Variants in PRKN observed in about 807,000 individuals in gnomAD.
The protein encoded by PRKN is E3 ubiquitin-protein ligase parkin.
Under a neutral mutation model 59.5 loss-of-function variants are expected in PRKN, and 56 were observed. The ratio of observed to expected loss-of-function variants is 0.94; its 90% CI spans 0.76 to 1.18. The LOEUF (loss-of-function observed/expected upper bound fraction) is 1.18, where lower values mean the gene tolerates loss of function less well. PRKN is among the 50% of genes most tolerant of loss of function. PRKN has a pLI of 0.00. For synonymous variants in PRKN, 250 were observed against 222.1 expected (o/e 1.13, Z -1.12); for missense variants, 657 against 596.4 (o/e 1.10, Z -1.06).
chr6:162,680,106 ATTTTC>A (rs1779712928), intron 1 of PRKN, among the ~76,000 whole-genome samples: 1 of 151,738 alleles, frequency 6.6e-6, no homozygotes, highest in Non-Finnish European at 1.5e-5. Flanking sequence ...CATATAACAC[ATTTTC>A]TTTTCTTCCT....
chr6:161,592,651 T>A lies in PRKN; in HGVS notation c.872-23235A>T, dbSNP rs990412181. On this transcript the variant is annotated intron_variant, in intron 7 of 11. Coordinates refer to ENST00000366898, the MANE Select transcript of PRKN (RefSeq NM_004562.3). The surrounding 1 kb of genome is among the most constrained non-coding windows in gnomAD (Gnocchi z 4.8). Reference sequence around the variant, plus strand: ...AAACCCTAAGGGCTATGGAGAAAGATGAAGCAGGGAAACTGTTGGAGGGAG... The same window carrying A: ...AAACCCTAAGGGCTATGGAGAAAGAAGAAGCAGGGAAACTGTTGGAGGGAG... Among the ~76,000 whole-genome samples, 1 of 152,022 alleles carries A rather than the reference T, an allele frequency of 6.6e-6. No individual in the cohort carries two copies. Among genetic ancestry groups the A allele is most frequent in the East Asian group, 1.9e-4 (1 of 5,160 alleles).
rs1486088965 is a variant in PRKN, at chr6:161,575,550, C to T, written c.872-6134G>A. 6.6e-6 allele frequency among the ~76,000 whole-genome samples: 1 copy of T among 152,108 alleles called. No individual in the cohort carries two copies. Among genetic ancestry groups the T allele is most frequent in the African/African-American group, 2.4e-5 (1 of 41,408 alleles). On this transcript the variant is annotated intron_variant, in intron 7 of 11. Transcript: ENST00000366898. The surrounding 1 kb of genome is among the most constrained non-coding windows in gnomAD (Gnocchi z 4.6). Reference sequence around the variant, plus strand: ...TATTCCATTGAGAAGCATTAAAAACCACATGAGTCTTCGATCACTATTTTT... The same window carrying T: ...TATTCCATTGAGAAGCATTAAAAACTACATGAGTCTTCGATCACTATTTTT...
chr6:162,068,609 G>A (rs984207446), intron 4 of PRKN, among the ~76,000 whole-genome samples: 5 of 152,314 alleles, frequency 3.3e-5, no homozygotes, highest in African/African-American at 4.8e-5. Flanking sequence ...GCCTCCTGCC[G>A]TTCCTTGCCA....
intron 7 of PRKN, among the ~76,000 whole-genome samples, chr6:161,618,350 G>T (rs1400011557): frequency 6.6e-6 from 1 of 152,144 alleles, no homozygotes; most frequent in Non-Finnish European, 1.5e-5. Context: ...ATGCACAAGG[G>T]AAGTACTTTG....
chr6:161,902,577 T>TTTTTTTTTTTTTTGG, intron 6 of PRKN, among the ~76,000 whole-genome samples: 1 of 147,552 alleles, frequency 6.8e-6, no homozygotes, highest in East Asian at 2.0e-4. Flanking sequence ...TTTTTTTTTT[T>TTTTTTTTTTTTTTGG]GCGACAGAGT....
At chr6:162,421,375 A>AATTT (rs1391110112) in intron 2 of PRKN, among the ~76,000 whole-genome samples, 3 of 152,164 alleles carry the variant, frequency 2.0e-5, no homozygotes, top group Non-Finnish European at 4.4e-5. Context: ...AACAATAACT[A>AATTT]ATTTACCTGC....
chr6:162,333,765 C>CA (rs35658891), intron 2 of PRKN, among the ~76,000 whole-genome samples: 25,101 of 152,052 alleles, frequency 0.17, 2,284 homozygotes, highest in African/African-American at 0.22. Flanking sequence ...CACTTTAAAT[C>CA]AAAGCTAGAA....
At chr6:162,545,524 T>C (rs1779084600) in intron 1 of PRKN, among the ~76,000 whole-genome samples, 1 of 152,142 alleles carries the variant, frequency 6.6e-6, no homozygotes, top group East Asian at 1.9e-4. Flanking sequence ...CCAATTCCCA[T>C]CAGGCATTTG....
At chr6:161,759,594 ACTT>A (rs1378643081) in intron 7 of PRKN, among the ~76,000 whole-genome samples, 1 of 152,142 alleles carries the variant, frequency 6.6e-6, no homozygotes, top group Non-Finnish European at 1.5e-5. Flanking sequence ...GCCATTTCCA[ACTT>A]CTTTTTTATT....
intron 5 of PRKN, among the ~76,000 whole-genome samples, chr6:161,985,812 C>A (rs1372413077): frequency 6.6e-6 from 1 of 152,154 alleles, no homozygotes; most frequent in Non-Finnish European, 1.5e-5. Context: ...GCCATGGAGA[C>A]CCTTTGAGGA....
intron 7 of PRKN, among the ~76,000 whole-genome samples, chr6:161,758,029 C>T (rs1789028229): frequency 6.7e-6 from 1 of 148,980 alleles, no homozygotes; most frequent in African/African-American, 2.5e-5. Flanking sequence ...AGTGAGACAC[C>T]ACTACACACT....
chr6:161,500,377 C>A (rs1777917852), intron 9 of PRKN, among the ~76,000 whole-genome samples: 1 of 152,176 alleles, frequency 6.6e-6, no homozygotes, highest in Admixed American at 6.5e-5. Context: ...TGGGTTTGGA[C>A]AAATGTATAA....
chr6:162,283,092 A>T (rs748857050), intron 2 of PRKN, among the ~76,000 whole-genome samples: 7 of 150,964 alleles, frequency 4.6e-5, no homozygotes, highest in African/African-American at 1.7e-4. Flanking sequence ...TTTATGGATG[A>T]TGTTGCCATC....
chr6:162,342,723 G>C (rs188453835), intron 2 of PRKN, among the ~76,000 whole-genome samples: 1 of 152,080 alleles, frequency 6.6e-6, no homozygotes, highest in African/African-American at 2.4e-5. Context: ...GTCATTTGCC[G>C]CATGACACAG....
intron 1 of PRKN, among the ~76,000 whole-genome samples, chr6:162,480,265 C>T (rs1180388148): frequency 6.6e-6 from 1 of 152,112 alleles, no homozygotes; most frequent in African/African-American, 2.4e-5. Context: ...ATGGCGAAGA[C>T]ATCACTAGGC....
chr6:161,446,835 T>C lies in PRKN; in HGVS notation c.1084-59958A>G, dbSNP rs368097962. Among the ~76,000 whole-genome samples the C allele has an allele frequency of 6.6e-6, 1 of 152,154 alleles. No individual in the cohort carries two copies. The highest frequency in any genetic ancestry group is 2.1e-4 in the South Asian group (1 of 4,832). ...TGGATTTCTTTAAATTGCCATTTAA[T>C]TCCATCCATCAACCCATTTTTCTGC... On this transcript the variant is annotated intron_variant, in intron 9 of 11. Transcript: ENST00000366898. This position sits in a 1 kb window ranked among gnomAD's most constrained non-coding sequence, Gnocchi z 6.2.
chr6:161,994,037 A>AAATTTCAAC (rs1200514759), intron 5 of PRKN, among the ~76,000 whole-genome samples: 2 of 152,204 alleles, frequency 1.3e-5, no homozygotes, highest in Non-Finnish European at 2.9e-5. Flanking sequence ...ATTGGTGATG[A>AAATTTCAAC]AATTTCAACA....
intron 2 of PRKN, among the ~76,000 whole-genome samples, chr6:162,286,340 T>C (rs1781191925): frequency 1.3e-5 from 2 of 152,210 alleles, no homozygotes; most frequent in Admixed American, 1.3e-4. Context: ...TGAGCCTTGA[T>C]CTTCATGTTT....
intron 2 of PRKN, among the ~76,000 whole-genome samples, chr6:162,337,400 T>G (rs1354957583): frequency 6.6e-6 from 1 of 152,224 alleles, no homozygotes; most frequent in Non-Finnish European, 1.5e-5. Flanking sequence ...ATGCCTCATC[T>G]TTTCTCAGAG....
Sources: allele counts gnomAD v4.1 joint callset (sites outside exome capture counted in the v4.1 genomes callset), GRCh38; gene constraint gnomAD v4.1.1; non-coding constraint Gnocchi (gnomAD v3.1); transcripts MANE v1.5; gene names NCBI Gene and HGNC (gene_info 2026-07-23, HGNC 2026-07-21).